The following DOC2B variants were observed in gnomAD, a reference collection of about 807,000 sequenced individuals.
The protein encoded by DOC2B is double C2-like domain-containing protein beta.
DOC2B carries 21 observed loss-of-function variants against 28.9 expected under a neutral mutation model. The ratio of observed to expected loss-of-function variants is 0.73; its 90% confidence interval spans 0.52 to 1.05. The LOEUF (loss-of-function observed/expected upper bound fraction) is 1.05, where lower values mean the gene tolerates loss of function less well. DOC2B is among the 50% of genes least tolerant of loss of function. DOC2B has a pLI of 0.00. For missense variants in DOC2B, 384 were observed against 421.1 expected (o/e 0.91, Z 0.77); for synonymous variants, 194 against 178.1 (o/e 1.09, Z -0.71).
At chr17:153,787 A>C (rs1014271368) in intron 6 of DOC2B, among the ~76,000 whole-genome samples, 7 of 152,046 alleles carry the variant, frequency 4.6e-5, no homozygotes, top group Non-Finnish European at 1.0e-4. Context: ...TCAATGACAA[A>C]TCAGAAGAAA....
At position 173,349 on chromosome 17, in the gene DOC2B, TG is replaced by T. The variant is rs1251994262; in HGVS notation, c.374-734del. On this transcript the variant is annotated intron_variant, in intron 1 of 8. Transcript: ENST00000613549. Reference sequence around the variant, plus strand: ...GCTCCCAGCATGGAGGCCAAGGTGATGGTTGGGGCAGAGCTTGGAGATGATG... The same window carrying T: ...GCTCCCAGCATGGAGGCCAAGGTGATGTTGGGGCAGAGCTTGGAGATGATG... Among the ~76,000 whole-genome samples the T allele has an allele frequency of 9.9e-4, 151 of 152,092 alleles. 1 individual carries two copies. The highest frequency in any genetic ancestry group is 3.4e-3 in the African/African-American group (140 of 41,498).
intron 5 of DOC2B, among the ~76,000 whole-genome samples, chr17:158,244 C>T (rs1399602292): frequency 6.6e-6 from 1 of 152,066 alleles, no homozygotes; most frequent in Non-Finnish European, 1.5e-5. Context: ...ACACCCCAAA[C>T]CCTCTCTCCT....
At chr17:179,703 G>T (rs1158800161) in intron 1 of DOC2B, among the ~76,000 whole-genome samples, 3 of 152,204 alleles carry the variant, frequency 2.0e-5, no homozygotes, top group African/African-American at 7.2e-5. Context: ...CAGCCCTGAG[G>T]GCAAAAAACT....
At chr17:150,733 C>A (rs1259183570) in intron 6 of DOC2B, among the ~76,000 whole-genome samples, 2 of 152,182 alleles carry the variant, frequency 1.3e-5, no homozygotes, top group African/African-American at 2.4e-5. Flanking sequence ...CTGTTCATTG[C>A]AGCTTTCTAC....
At chr17:161,878 G>A (rs2040208651) in intron 4 of DOC2B, among the ~76,000 whole-genome samples, 1 of 152,218 alleles carries the variant, frequency 6.6e-6, no homozygotes, top group South Asian at 2.1e-4. Context: ...GGGGACTGGG[G>A]CCAGGGTGAC....
intron 4 of DOC2B, 141 bp from the exon 5 acceptor site, chr17:161,682 T>A: frequency 1.4e-6 from 2 of 1,411,084 alleles, no homozygotes; most frequent in Non-Finnish European, 1.9e-6. Context: ...ACAAGATGCC[T>A]GGGCCCTGAC....
At chr17:177,753 A>G (rs1241148836) in intron 1 of DOC2B, among the ~76,000 whole-genome samples, 1 of 152,232 alleles carries the variant, frequency 6.6e-6, no homozygotes, top group Non-Finnish European at 1.5e-5. Context: ...TACAAATATC[A>G]CAGGTCCAGG....
chr17:174,282 C>T (rs2040344699), intron 1 of DOC2B, among the ~76,000 whole-genome samples: 1 of 152,184 alleles, frequency 6.6e-6, no homozygotes, highest in African/African-American at 2.4e-5. Context: ...GCTGTGTGGC[C>T]AGCTTATCTA....
chr17:165,249 C>T (rs1555523756), intron 2 of DOC2B, among the ~76,000 whole-genome samples: 1 of 152,072 alleles, frequency 6.6e-6, no homozygotes, highest in Non-Finnish European at 1.5e-5. Flanking sequence ...TGGCTCACGC[C>T]TGTAATCCCA....
rs558568592 is a variant in DOC2B, at chr17:173,039, T to C, written c.374-423A>G. Among the ~76,000 whole-genome samples, 247 of 152,166 alleles carry C rather than the reference T, an allele frequency of 1.6e-3. 1 individual carries two copies. Among genetic ancestry groups the C allele is most frequent in the African/African-American group, 5.7e-3 (238 of 41,518 alleles). ...GAGACGAGGCTTTGAGAGGAACAGG[T>C]CCTGGCCAGGAAGATCAGCTGATTT... On this transcript the variant is annotated intron_variant, in intron 1 of 8. Coordinates refer to ENST00000613549, the MANE Select transcript of DOC2B (RefSeq NM_003585.5).
chr17:153,126 T>G lies in DOC2B; in HGVS notation c.923+3094A>C, dbSNP rs1302814522. The stretch of plus-strand genomic sequence containing the variant: ...TGAGGCGTGGCTCAGATACAGGGAG[T>G]GGCCCACAGCTCGGCCTGTCTTTGA... On this transcript the variant is annotated intron_variant, in intron 6 of 8. Transcript: ENST00000613549. 2.6e-5 allele frequency among the ~76,000 whole-genome samples: 4 copies of G among 151,350 alleles called. No individual in the cohort carries two copies. In the East Asian group the frequency reaches 7.8e-4, roughly 30 times the overall value.
intron 6 of DOC2B, among the ~76,000 whole-genome samples, chr17:153,990 C>T (rs2040102061): frequency 6.6e-6 from 1 of 152,198 alleles, no homozygotes; most frequent in African/African-American, 2.4e-5. Flanking sequence ...CTCTCTGCCT[C>T]TGTGGGTTGA....
At chr17:158,819 C>A (rs917939472) in intron 5 of DOC2B, among the ~76,000 whole-genome samples, 1 of 151,040 alleles carries the variant, frequency 6.6e-6, no homozygotes, top group African/African-American at 2.4e-5. Flanking sequence ...CCAAGGCGGG[C>A]AGATCACCTG....
chr17:164,172 T>C lies in DOC2B; in HGVS notation c.486A>G (p.Ala162=). 1.3e-6 allele frequency: 2 copies of C among 1,554,246 alleles called. No individual in the cohort carries two copies. Among genetic ancestry groups the C allele is most frequent in the South Asian group, 1.2e-5 (1 of 84,326 alleles). ...GCAGGTGCAGCTTGACGTAGGGGTCTGCCAGCCCATTGTGGTCCATTGGCT... is the reference window on the plus strand; with the variant it reads ...GCAGGTGCAGCTTGACGTAGGGGTCCGCCAGCCCATTGTGGTCCATTGGCT... ...GLKPMDHNGL[A]DPYVKLHLLP... The change falls in exon 3 of 9, where the codon GCA becomes GCG. Residue 162 remains alanine, a synonymous_variant. Transcript: ENST00000613549.
chr17:161,953 G>A, intron 4 of DOC2B, 128 bp downstream of exon 4: 1 of 695,956 alleles, frequency 1.4e-6, no homozygotes, highest in Non-Finnish European at 2.5e-6. Flanking sequence ...AAGCCCCCAA[G>A]CTGGAGTTGC....
rs899837753 is a variant in DOC2B at position 172,603 on chromosome 17, C to T, written c.387G>A (p.Thr129=). The T allele has an allele frequency of 5.8e-6, 9 of 1,550,574 alleles. No homozygotes were observed. Among genetic ancestry groups the T allele is most frequent in the Admixed American group, 3.9e-5 (2 of 50,940 alleles). The stretch of plus-strand genomic sequence containing the variant: ...GGTCATACAGCAGGCTGAAGTCCAG[C>T]GTGCCCAGGGCAGCTGCGGACAGAG... ...YESDDCTALG[T]LDFSLLYDQE... The change falls in exon 2 of 9, where the codon ACG becomes ACA. Residue 129 remains threonine (T), a synonymous_variant. Transcript: ENST00000613549.
rs1040273732 is a variant in DOC2B at position 147,446 on chromosome 17, C to T, written c.1234G>A (p.Asp412Asn). 164 of 398,694 alleles carry T rather than the reference C, an allele frequency of 4.1e-4. No individual in the cohort carries two copies. Among genetic ancestry groups the T allele is most frequent in the Non-Finnish European group, 6.7e-4 (151 of 226,204 alleles). The allele number at this position is 398,694 out of a possible 1,614,324, so 24.7% of individuals were successfully genotyped here. The part of the protein sequence containing the change: ...TSELPGAVLS[D>N] ...GTAGCAGTGGCGGGTGGGCGTCAGT[C>T]GCTGAGCACAGCCCCTGGGAGCTCG... Residue 412 changes from aspartate (D) to asparagine (N), a missense_variant, in exon 9 of 9, where the codon GAC becomes AAC. Physicochemically the swap from Asp to Asn is conservative, Grantham distance 23 (BLOSUM62 1). Transcript: ENST00000613549.
At position 148,414 on chromosome 17, in the gene DOC2B, G is replaced by A. The variant is rs888025643; in HGVS notation, c.1006-145C>T. 1,955 of 396,298 alleles carry A rather than the reference G, an allele frequency of 4.9e-3. 8 individuals are homozygous for A. Among genetic ancestry groups the A allele is most frequent in the Non-Finnish European group, 6.1e-3 (1,374 of 224,976 alleles). 24.5% of individuals were successfully genotyped at this position (396,298 alleles called of 1,614,324 possible). Reference sequence around the variant, plus strand: ...TGATGGGTGGATGCTCACATGTCTCGCCCACTTCCCCCTGAGCTCCACTGG... The same window carrying A: ...TGATGGGTGGATGCTCACATGTCTCACCCACTTCCCCCTGAGCTCCACTGG... On this transcript the variant is annotated intron_variant, in intron 7 of 8. Transcript: ENST00000613549.
intron 1 of DOC2B, among the ~76,000 whole-genome samples, chr17:173,282 G>A (rs1182806947): frequency 2.6e-5 from 4 of 152,186 alleles, no homozygotes; most frequent in African/African-American, 9.7e-5. Flanking sequence ...CCCTCCCCGG[G>A]GGCAATCACT....
Sources: gnomAD v4.1 joint callset for allele counts (sites outside exome capture counted in the v4.1 genomes callset) on GRCh38, gnomAD v4.1.1 for gene constraint, MANE v1.5 for transcripts, NCBI Gene and HGNC (gene_info 2026-07-23, HGNC 2026-07-21) for gene names.